Variants in KLF12 observed in about 807,000 individuals in gnomAD.
The protein encoded by KLF12 is KLF transcription factor 12.
Under a neutral mutation model 37.8 loss-of-function variants are expected in KLF12, and 9 were observed. The observed-to-expected ratio is 0.24, with a 90% confidence interval of 0.14 to 0.42. The LOEUF is 0.42. Among genes scored for constraint, KLF12 ranks in the 10% least tolerant of loss-of-function variants. The pLI is 1.00. For missense variants in KLF12, 411 were observed against 516.0 expected (o/e 0.80, Z 1.97); for synonymous variants, 208 against 202.1 (o/e 1.03, Z -0.25).
chr13:73,927,952 G>A (rs1189569069), intron 3 of KLF12, among the ~76,000 whole-genome samples: 2 of 149,940 alleles, frequency 1.3e-5, no homozygotes, highest in East Asian at 2.0e-4. Flanking sequence ...CCGCCTCCCG[G>A]GTTCAAGTGA....
chr13:74,268,743 A>C, the KLF12 span, among the ~76,000 whole-genome samples: 5 of 152,308 alleles, frequency 3.3e-5, no homozygotes, highest in African/African-American at 1.2e-4. Context: ...GTGCCCTAGA[A>C]ATTGTGCTAA....
intron 3 of KLF12, among the ~76,000 whole-genome samples, chr13:73,851,673 T>C (rs1594169897): frequency 6.6e-6 from 1 of 152,334 alleles, no homozygotes; most frequent in East Asian, 1.9e-4. Context: ...AGGAGCATAT[T>C]TGTTTCTTGT....
At chr13:74,166,841 C>T in the KLF12 span, among the ~76,000 whole-genome samples, 24 of 152,286 alleles carry the variant, frequency 1.6e-4, no homozygotes, top group African/African-American at 5.5e-4. Context: ...ATAATTAGCT[C>T]TTCTCCCACT....
chr13:73,871,399 G>A (rs1270382428), intron 3 of KLF12, among the ~76,000 whole-genome samples: 3 of 152,140 alleles, frequency 2.0e-5, no homozygotes, highest in Non-Finnish European at 2.9e-5. Context: ...AGAGTGGTTC[G>A]TGTTTCCTGT....
chr13:74,198,408 C>G, the KLF12 span, among the ~76,000 whole-genome samples: 9 of 152,160 alleles, frequency 5.9e-5, no homozygotes, highest in African/African-American at 2.2e-4. Flanking sequence ...CAGAGAAGTG[C>G]TCCGTTCAAT....
chr13:74,199,649 C>T, the KLF12 span, among the ~76,000 whole-genome samples: 192 of 152,188 alleles, frequency 1.3e-3, 1 homozygote, highest in Middle Eastern at 0.014. Context: ...CTTTATTGCC[C>T]AATATTTTAA....
intron 3 of KLF12, among the ~76,000 whole-genome samples, chr13:73,855,799 A>G (rs1026495655): frequency 6.6e-6 from 1 of 150,612 alleles, no homozygotes; most frequent in Non-Finnish European, 1.5e-5. Context: ...CTGGTATGAC[A>G]TGGCATCTCA....
At chr13:73,867,155 T>C (rs1192632496) in intron 3 of KLF12, among the ~76,000 whole-genome samples, 1 of 152,144 alleles carries the variant, frequency 6.6e-6, no homozygotes, top group Non-Finnish European at 1.5e-5. Flanking sequence ...TTTATGGTTT[T>C]AAAATTATAG....
intron 4 of KLF12, among the ~76,000 whole-genome samples, chr13:73,838,539 T>C (rs1884561872): frequency 6.6e-6 from 1 of 152,172 alleles, no homozygotes; most frequent in East Asian, 1.9e-4. Flanking sequence ...TACTCAAGGA[T>C]CTAAACACAT....
chr13:74,231,810 A>G, the KLF12 span: 2 of 152,186 alleles, frequency 1.3e-5, no homozygotes, highest in African/African-American at 4.8e-5. Flanking sequence ...ATGCTTGCAA[A>G]TAGTCTCAAC....
chr13:74,101,431 C>G (rs1876337334), intron 1 of KLF12, among the ~76,000 whole-genome samples: 2 of 152,092 alleles, frequency 1.3e-5, no homozygotes, highest in Admixed American at 1.3e-4. Context: ...TTAAACTTCC[C>G]CACATAGACA....
At chr13:73,905,595 G>T (rs1357336305) in intron 3 of KLF12, among the ~76,000 whole-genome samples, 2 of 151,836 alleles carry the variant, frequency 1.3e-5, no homozygotes, top group African/African-American at 4.9e-5. Flanking sequence ...AATTAATTTA[G>T]TAACTTCAGT....
At chr13:74,041,225 A>T (rs1181902859) in intron 1 of KLF12, among the ~76,000 whole-genome samples, 2 of 152,206 alleles carry the variant, frequency 1.3e-5, no homozygotes, top group Non-Finnish European at 2.9e-5. Context: ...CTTCTTCAGA[A>T]AAAGCATGCC....
the KLF12 span, among the ~76,000 whole-genome samples, chr13:74,190,501 G>T: frequency 0.014 from 2,113 of 152,176 alleles, 48 homozygotes; most frequent in African/African-American, 0.045. Context: ...GAATGGGACT[G>T]GTTTCTGAGC....
At chr13:73,948,552 C>T (rs1890528815) in intron 2 of KLF12, among the ~76,000 whole-genome samples, 1 of 152,148 alleles carries the variant, frequency 6.6e-6, no homozygotes, top group Non-Finnish European at 1.5e-5. Context: ...TGCAAGAGTG[C>T]CAACTGGTTA....
the KLF12 span, among the ~76,000 whole-genome samples, chr13:74,196,910 T>C: frequency 7.3e-3 from 1,106 of 152,268 alleles, 3 homozygotes; most frequent in Non-Finnish European, 0.012. Context: ...TTAGTTTAAT[T>C]TAAAATGTGC....
chr13:73,909,988 T>A (rs930277049), intron 3 of KLF12, among the ~76,000 whole-genome samples: 8 of 152,136 alleles, frequency 5.3e-5, no homozygotes, highest in Admixed American at 6.5e-5. Flanking sequence ...TTGGACACAT[T>A]TAATGGCTCA....
chr13:74,097,456 C>G (rs1429867037), intron 1 of KLF12, among the ~76,000 whole-genome samples: 1 of 152,124 alleles, frequency 6.6e-6, no homozygotes, highest in Non-Finnish European at 1.5e-5. Context: ...GGTTGAATTA[C>G]ACACTTGACT....
rs116547927 is a variant in KLF12 at position 73,964,093 on chromosome 13, A to C, written c.34-20023T>G. 4.7e-3 allele frequency among the ~76,000 whole-genome samples: 720 copies of C among 152,320 alleles called. 9 individuals are homozygous for C. Among genetic ancestry groups the C allele is most frequent in the African/African-American group, 0.017 (704 of 41,562 alleles). ...TGAAAGTACTGACAGATTCCTTCTG[A>C]AGTATTGTGACAAATGTCTAATTTT... On this transcript the variant is annotated intron_variant, in intron 2 of 7. Transcript: ENST00000377669.
Sources: allele counts gnomAD v4.1 joint callset (sites outside exome capture counted in the v4.1 genomes callset), GRCh38; gene constraint gnomAD v4.1.1; transcripts MANE v1.5; gene names NCBI Gene and HGNC (gene_info 2026-07-23, HGNC 2026-07-21).